PPP2R2B: variants seen among roughly 807,000 people sequenced by gnomAD.
PPP2R2B encodes the protein protein phosphatase 2 regulatory subunit Bbeta, also known as serine/threonine-protein phosphatase 2A 55 kDa regulatory subunit B beta isoform.
Under a neutral mutation model 46.0 loss-of-function variants are expected in PPP2R2B, and 5 were observed. The ratio of observed to expected loss-of-function variants is 0.11; its 90% CI spans 0.06 to 0.23. The LOEUF (loss-of-function observed/expected upper bound fraction) is 0.23, where lower values mean the gene tolerates loss of function less well. PPP2R2B is among the 10% of genes least tolerant of loss of function. PPP2R2B has a pLI of 1.00. For missense variants in PPP2R2B, 367 were observed against 575.0 expected, an observed-to-expected ratio of 0.64 and a Z score of 3.70; for synonymous variants, 215 against 206.7, an observed-to-expected ratio of 1.04 and a Z score of -0.34.
chr5:146,601,146 T>C (rs1771741861), intron 7 of PPP2R2B, among the ~76,000 whole-genome samples: 2 of 152,238 alleles, frequency 1.3e-5, no homozygotes, highest in African/African-American at 2.4e-5. Context: ...TGAATAGTAT[T>C]CCATTGTATG....
chr5:146,793,163 A>G (rs2151296464), intron 2 of PPP2R2B, among the ~76,000 whole-genome samples: 1 of 152,352 alleles, frequency 6.6e-6, no homozygotes, highest in African/African-American at 2.4e-5. Flanking sequence ...GTGTGAATAA[A>G]GAATGACTGC....
In PPP2R2B at chr5:146,737,275, T is replaced by A. The variant is rs887093613; in HGVS notation, c.71-36133A>T. 1.1e-4 allele frequency among the ~76,000 whole-genome samples: 16 copies of A among 152,312 alleles called. 1 individual carries two copies. The highest frequency in any genetic ancestry group is 8.5e-4 in the Admixed American group (13 of 15,304). ...ATAGGAGCTGTGCCTTCTAGTAGTA[T>A]TTTTTGGGTGTCTACTTCATGCAAA... On this transcript the variant is annotated intron_variant, in intron 2 of 9. Transcript: ENST00000394411.
chr5:146,804,770 C>T (rs1167763215), intron 2 of PPP2R2B, among the ~76,000 whole-genome samples: 1 of 151,966 alleles, frequency 6.6e-6, no homozygotes, highest in Non-Finnish European at 1.5e-5. Flanking sequence ...AAAATATGTG[C>T]CAATGGCCTT....
intron 2 of PPP2R2B, among the ~76,000 whole-genome samples, chr5:146,736,856 T>C (rs529520486): frequency 6.6e-6 from 1 of 152,336 alleles, no homozygotes; most frequent in East Asian, 1.9e-4. Context: ...GTTGGTTCTT[T>C]TTAGAACCTA....
intron 9 of PPP2R2B, chr5:146,591,900 G>A (rs1770700918): frequency 5.0e-6 from 1 of 199,890 alleles, no homozygotes. Context: ...TTAGACTGTG[G>A]TTGGGATTAA....
At chr5:146,969,533 C>T (rs906987835) in intron 1 of PPP2R2B, among the ~76,000 whole-genome samples, 15 of 152,226 alleles carry the variant, frequency 9.9e-5, no homozygotes, top group Non-Finnish European at 1.6e-4. Flanking sequence ...CAGATCATTC[C>T]GCCTGTGGTA....
intron 6 of PPP2R2B, among the ~76,000 whole-genome samples, chr5:146,644,090 G>A (rs1775410148): frequency 1.3e-5 from 2 of 152,038 alleles, no homozygotes; most frequent in Non-Finnish European, 2.9e-5. Flanking sequence ...AGAGTAAGAG[G>A]TGAATTGTTT....
At chr5:147,081,072 A>T in exon 2 of PPP2R2B, 1 of 1,535,498 alleles carries the variant, frequency 6.5e-7, no homozygotes, top group Admixed American at 2.0e-5. Context: ...CTGTGGTTCC[A>T]ATCTCGATAG....
chr5:147,042,174 C>T (rs1174365190), intron 1 of PPP2R2B, among the ~76,000 whole-genome samples: 1 of 152,120 alleles, frequency 6.6e-6, no homozygotes, highest in Non-Finnish European at 1.5e-5. Context: ...AACCATTTAT[C>T]CTTTTAACTT....
At chr5:146,641,503 ATTTTTTTTTTTTT>A (rs61445378) in intron 6 of PPP2R2B, among the ~76,000 whole-genome samples, 1 of 128,552 alleles carries the variant, frequency 7.8e-6, no homozygotes, top group African/African-American at 3.2e-5. Flanking sequence ...GTGCTCTAAG[ATTTTTTTTTTTTT>A]TTTTTTTTTT....
intron 2 of PPP2R2B, among the ~76,000 whole-genome samples, chr5:147,079,469 T>TATACAC (rs1491141938): frequency 6.5e-5 from 9 of 139,054 alleles, no homozygotes; most frequent in African/African-American, 2.4e-4. Flanking sequence ...TATATATATA[T>TATACAC]ACATGTGCAA....
At chr5:146,911,896 A>G (rs902137454) in intron 1 of PPP2R2B, among the ~76,000 whole-genome samples, 8 of 152,230 alleles carry the variant, frequency 5.3e-5, no homozygotes, top group Admixed American at 5.2e-4. Context: ...GTGGAGGACG[A>G]ATCACATGCA....
chr5:146,902,799 ACCT>A lies in PPP2R2B; in HGVS notation c.79+152863_79+152865del, dbSNP rs1269999482. On this transcript the variant is annotated intron_variant, in intron 1 of 8. Coordinates refer to the PPP2R2B transcript ENST00000336640. The stretch of plus-strand genomic sequence containing the variant: ...ATCTATACTTCCCAATTCAGAGCAC[ACCT>A]CTTCTCTACACATAACAAAGTTTTG... Among the ~76,000 whole-genome samples, 4 of 150,620 alleles carry A rather than the reference ACCT, an allele frequency of 2.7e-5. No homozygotes were observed. The East Asian group carries it at 8.0e-4, about 30-fold the overall frequency.
chr5:147,067,244 A>G (rs1757440270), intron 2 of PPP2R2B, among the ~76,000 whole-genome samples: 1 of 152,168 alleles, frequency 6.6e-6, no homozygotes, highest in Non-Finnish European at 1.5e-5. Flanking sequence ...GACTACAGTT[A>G]CCATGTTGTA....
At chr5:146,831,336 A>G (rs1758916649) in intron 2 of PPP2R2B, among the ~76,000 whole-genome samples, 1 of 151,938 alleles carries the variant, frequency 6.6e-6, no homozygotes, top group African/African-American at 2.4e-5. Context: ...ATCTCTACTA[A>G]AAATACAAAA....
At chr5:146,954,772 G>GTGTGTC (rs1751805173) in intron 1 of PPP2R2B, among the ~76,000 whole-genome samples, 1 of 151,702 alleles carries the variant, frequency 6.6e-6, no homozygotes, top group Non-Finnish European at 1.5e-5. Flanking sequence ...GTGTGTGTGT[G>GTGTGTC]TGTGTGTGTG....
Position 146,979,053 on chromosome 5 carries a change from C to T in PPP2R2B, c.79+76612G>A, listed in dbSNP as rs192235989. Among the ~76,000 whole-genome samples, 30 of 152,250 alleles carry T rather than the reference C, an allele frequency of 2.0e-4. No homozygotes were observed. The East Asian group carries it at 4.4e-3, about 23-fold the overall frequency. The stretch of plus-strand genomic sequence containing the variant: ...AAGCTGATGTATTTAAGAATGGCTT[C>T]GTTTCTCTCTTTTCCCATTTCTACT... On this transcript the variant is annotated intron_variant, in intron 1 of 8. Coordinates refer to the PPP2R2B transcript ENST00000336640.
chr5:147,006,119 G>A (rs533035325), intron 1 of PPP2R2B, among the ~76,000 whole-genome samples: 2 of 152,196 alleles, frequency 1.3e-5, no homozygotes, highest in African/African-American at 2.4e-5. Context: ...ACTCCCTTCA[G>A]GATAGGACGA....
In PPP2R2B at chr5:146,590,242, C is replaced by CAAAGGGAGTGACCGAGCATTACGGAG; in HGVS notation, c.1053-17_1053-16insCTCCGTAATGCTCGGTCACTCCCTTT. 6.2e-7 allele frequency: 1 copy of CAAAGGGAGTGACCGAGCATTACGGAG among 1,611,210 alleles called. No individual in the cohort carries two copies. The highest frequency in any genetic ancestry group is 1.7e-5 in the Admixed American group (1 of 59,884). On this transcript the variant is annotated splice_polypyrimidine_tract_variant and intron_variant, in intron 9 of 9. Transcript: ENST00000394411. ...CATGATGACACTGCAAGGCAGAGAG[C>CAAAGGGAGTGACCGAGCATTACGGAG]AAAGGCAATGACATATCTTCACTGT...
Sources: allele counts gnomAD v4.1 joint callset (sites outside exome capture counted in the v4.1 genomes callset), GRCh38; gene constraint gnomAD v4.1.1; transcripts MANE v1.5; gene names NCBI Gene and HGNC (gene_info 2026-07-23, HGNC 2026-07-21).